Variants in NRF1 observed in about 807,000 individuals in gnomAD.
NRF1 encodes nuclear respiratory factor 1.
NRF1 carries 5 observed loss-of-function variants against 58.5 expected under a neutral mutation model. The observed-to-expected ratio is 0.09, with a 90% CI of 0.04 to 0.18. The LOEUF is 0.18. Ranked by LOEUF, NRF1 falls within the 10% of genes least tolerant of loss-of-function variation. The pLI is 1.00. For missense variants in NRF1, 288 were observed against 657.7 expected (o/e 0.44, Z 6.15); for synonymous variants, 224 against 246.7 (o/e 0.91, Z 0.86).
intron 4 of NRF1, among the ~76,000 whole-genome samples, chr7:129,681,418 T>C (rs1005733873): frequency 1.3e-5 from 2 of 152,162 alleles, no homozygotes; most frequent in African/African-American, 2.4e-5. Flanking sequence ...GTTACAAATG[T>C]TGAATGTAAA....
chr7:129,614,880 G>T (rs1800628694), intron 1 of NRF1, among the ~76,000 whole-genome samples: 2 of 152,142 alleles, frequency 1.3e-5, no homozygotes, highest in African/African-American at 2.4e-5. Context: ...AATTTGCATT[G>T]CCTGCACACT....
rs1038334408 is a variant in NRF1 at position 129,749,074 on chromosome 7, C to T, written c.1349-5944C>T. 4.6e-5 allele frequency among the ~76,000 whole-genome samples: 7 copies of T among 152,334 alleles called. No homozygotes were observed. The East Asian group carries it at 7.7e-4, about 17-fold the overall frequency. On this transcript the variant is annotated intron_variant, in intron 10 of 10. Transcript: ENST00000393232. ...AACCTCATGGCCCCTTGTTTTGCAG[C>T]GTGCAAGGCCAGGCTTATGAATAGA...
At chr7:129,648,274 CTTTTT>C (rs35513653) in intron 1 of NRF1, among the ~76,000 whole-genome samples, 1 of 97,044 alleles carries the variant, frequency 1.0e-5, no homozygotes, top group African/African-American at 4.3e-5. Context: ...GCATTATTGA[CTTTTT>C]TTTTTTTTTT....
chr7:129,621,660 A>C (rs1800799061), intron 1 of NRF1, among the ~76,000 whole-genome samples: 1 of 152,184 alleles, frequency 6.6e-6, no homozygotes, highest in Non-Finnish European at 1.5e-5. Context: ...TGTAGGTGCT[A>C]AGTCTAAAGA....
intron 6 of NRF1, 97 bp downstream of exon 6, chr7:129,709,330 T>C: frequency 3.8e-6 from 4 of 1,065,030 alleles, no homozygotes; most frequent in South Asian, 4.6e-5. Context: ...AGAAAGTCTT[T>C]GTGTAATAGT....
chr7:129,631,814 T>C (rs1329074798), intron 1 of NRF1, among the ~76,000 whole-genome samples: 1 of 152,260 alleles, frequency 6.6e-6, no homozygotes, highest in Non-Finnish European at 1.5e-5. Flanking sequence ...CAAAATAATG[T>C]ATATATTTAA....
intron 5 of NRF1, among the ~76,000 whole-genome samples, chr7:129,699,940 C>A (rs912345041): frequency 2.7e-5 from 4 of 149,880 alleles, no homozygotes; most frequent in Non-Finnish European, 4.4e-5. Context: ...GAGTTTGAGA[C>A]CAGCCTGACC....
At chr7:129,746,435 AT>A (rs1386527177) in intron 10 of NRF1, among the ~76,000 whole-genome samples, 5 of 151,808 alleles carry the variant, frequency 3.3e-5, no homozygotes, top group Non-Finnish European at 5.9e-5. Flanking sequence ...TTCTTTACTG[AT>A]TTCCTGTTAT....
intron 10 of NRF1, among the ~76,000 whole-genome samples, chr7:129,736,519 A>T (rs1025556904): frequency 2.6e-5 from 4 of 151,942 alleles, no homozygotes; most frequent in Non-Finnish European, 5.9e-5. Context: ...AAGTGCTGGG[A>T]TTTCAGGCAT....
chr7:129,651,726 G>A (rs1801541165), intron 1 of NRF1, among the ~76,000 whole-genome samples: 2 of 152,136 alleles, frequency 1.3e-5, no homozygotes, highest in South Asian at 2.1e-4. Context: ...TGGAAAAATA[G>A]CATTTTAATG....
intron 1 of NRF1, among the ~76,000 whole-genome samples, chr7:129,621,781 ATT>A (rs11286994): frequency 0.03 from 3,855 of 128,598 alleles, 48 homozygotes; most frequent in East Asian, 0.076. Context: ...TCTCCATAGA[ATT>A]TTTTTTTTTT....
chr7:129,731,225 C>A (rs1803570286), intron 10 of NRF1, among the ~76,000 whole-genome samples: 1 of 149,628 alleles, frequency 6.7e-6, no homozygotes, highest in South Asian at 2.1e-4. Flanking sequence ...GAGCTGAGAT[C>A]ATGCCACTGC....
intron 5 of NRF1, among the ~76,000 whole-genome samples, chr7:129,695,588 A>C (rs1352046947): frequency 6.6e-6 from 1 of 150,536 alleles, no homozygotes; most frequent in Non-Finnish European, 1.5e-5. Flanking sequence ...AAAAAAAAAA[A>C]CAAAAAAAAC....
intron 5 of NRF1, among the ~76,000 whole-genome samples, chr7:129,694,529 T>A (rs1802642778): frequency 6.6e-6 from 1 of 152,124 alleles, no homozygotes; most frequent in Admixed American, 6.5e-5. Flanking sequence ...CATGCCTGGC[T>A]AATTTTTTTT....
At chr7:129,688,584 G>C (rs1802492938) in intron 4 of NRF1, among the ~76,000 whole-genome samples, 1 of 152,114 alleles carries the variant, frequency 6.6e-6, no homozygotes, top group Non-Finnish European at 1.5e-5. Flanking sequence ...ATAAATAAAA[G>C]AGGTTTAATT....
chr7:129,695,607 A>G (rs1205869127), intron 5 of NRF1, among the ~76,000 whole-genome samples: 10 of 150,698 alleles, frequency 6.6e-5, no homozygotes, highest in South Asian at 4.2e-4. Context: ...ACTGATTGTA[A>G]AGTAGCATTT....
At position 129,692,606 on chromosome 7, in the gene NRF1, A is replaced by T. The variant is rs977469875; in HGVS notation, c.606+2060A>T. On this transcript the variant is annotated intron_variant, in intron 5 of 10. Transcript: ENST00000393232. The stretch of plus-strand genomic sequence containing the variant: ...AATGAATAAATTTATTTATTTATTT[A>T]ATTCAGGCCATATCACTTCCTTGTT... 3.3e-5 allele frequency among the ~76,000 whole-genome samples: 5 copies of T among 152,164 alleles called. 1 individual carries two copies. Among genetic ancestry groups the T allele is most frequent in the African/African-American group, 2.4e-5 (1 of 41,436 alleles).
At chr7:129,727,470 T>C (rs1803475976) in intron 10 of NRF1, 105 bp downstream of exon 10, 5 of 1,216,962 alleles carry the variant, frequency 4.1e-6, no homozygotes, top group South Asian at 1.5e-5. Context: ...GCTTCGATTT[T>C]TTTTTCTTCA....
intron 1 of NRF1, among the ~76,000 whole-genome samples, chr7:129,655,510 C>T (rs1482858771): frequency 8.4e-6 from 1 of 119,072 alleles, no homozygotes; most frequent in African/African-American, 3.3e-5. Context: ...ATTTCCTTGT[C>T]TTCTTCCTGA....
Sources: gnomAD v4.1 joint callset for allele counts (sites outside exome capture counted in the v4.1 genomes callset) on GRCh38, gnomAD v4.1.1 for gene constraint, MANE v1.5 for transcripts, NCBI Gene and HGNC (gene_info 2026-07-23, HGNC 2026-07-21) for gene names.